PDCL: variants seen among roughly 807,000 people sequenced by gnomAD.
PDCL encodes phosducin like.
In PDCL, 11 loss-of-function variants were observed where a neutral mutation model predicts 26.7. The observed-to-expected ratio is 0.41, with a 90% CI of 0.26 to 0.68. PDCL has a LOEUF of 0.68. PDCL is among the 30% of genes least tolerant of loss of function. The pLI is 0.30. For missense variants in PDCL, 330 were observed against 371.6 expected (o/e 0.89, Z 0.92); for synonymous variants, 118 against 134.9 (o/e 0.87, Z 0.87).
At chr9:122,827,068 C>G (rs1219834415) in intron 1 of PDCL, among the ~76,000 whole-genome samples, 1 of 152,204 alleles carries the variant, frequency 6.6e-6, no homozygotes, top group Non-Finnish European at 1.5e-5. Context: ...CCCAGGGATT[C>G]CTGACTCCAA....
Position 122,826,767 on chromosome 9 carries a change from C to T in PDCL, c.21G>A (p.Lys7=). The T allele has an allele frequency of 6.2e-7, 1 of 1,614,094 alleles. No individual in the cohort carries two copies. Among genetic ancestry groups the T allele is most frequent in the South Asian group, 1.1e-5 (1 of 91,064 alleles). The part of the protein sequence containing the change: MTTLDD[K]LLGEKLQYYY... ...AGTACTGCAGTTTCTCCCCCAGCAA[C>T]TTATCATCAAGGGTGGTCATGGTGT... Residue 7 remains lysine (K), a synonymous_variant, in exon 2 of 4, where the codon AAG becomes AAA. Coordinates refer to ENST00000259467, the MANE Select transcript of PDCL (RefSeq NM_005388.5).
Position 122,820,351 on chromosome 9 carries a change from A to C in PDCL, c.640T>G (p.Phe214Val). The C allele has an allele frequency of 6.2e-7, 1 of 1,614,152 alleles. No individual in the cohort carries two copies. The highest frequency in any genetic ancestry group is 8.5e-7 in the Non-Finnish European group (1 of 1,180,024). ...CLAAEYPAVKFCKVKSSVIGA... is the reference protein window; with the variant it reads ...CLAAEYPAVKVCKVKSSVIGA... Reference sequence around the variant, plus strand: ...ATAACTGAGCTCTTCACCTTGCAGAACTTGACAGCTGGGTACTCTGCGGCA... The same window carrying C: ...ATAACTGAGCTCTTCACCTTGCAGACCTTGACAGCTGGGTACTCTGCGGCA... The change falls in exon 4 of 4, where the codon TTC becomes GTC. Residue 214 changes from phenylalanine (F) to valine (V), a missense_variant. Physicochemically the swap from Phe to Val is conservative, Grantham distance 50. Transcript: ENST00000259467.
rs1829530473 is a variant in PDCL at position 122,819,875 on chromosome 9, T to C, written c.*210A>G. On this transcript the variant is annotated 3_prime_UTR_variant, in exon 4 of 4. Transcript: ENST00000259467. ...ATCTTAAGTAAACAGTTCAAAAGCC[T>C]GGCTTCCTGTTTATACAACTGTAAG... 5 of 457,846 alleles carry C rather than the reference T, an allele frequency of 1.1e-5. No individual in the cohort carries two copies. In the East Asian group the frequency reaches 1.8e-4, roughly 17 times the overall value. 28.4% of individuals were successfully genotyped at this position (457,846 alleles called of 1,614,324 possible).
intron 2 of PDCL, among the ~76,000 whole-genome samples, chr9:122,824,990 C>T (rs1022414879): frequency 3.9e-5 from 6 of 151,986 alleles, no homozygotes; most frequent in African/African-American, 1.5e-4. Context: ...AGTGACATCT[C>T]AAGATAATAA....
chr9:122,823,456 G>C (rs986027302), intron 2 of PDCL, among the ~76,000 whole-genome samples: 1 of 152,112 alleles, frequency 6.6e-6, no homozygotes, highest in African/African-American at 2.4e-5. Context: ...GGAAAATAAA[G>C]CAACTCTTAG....
chr9:122,820,820 CT>C (rs1829544299), intron 3 of PDCL, 184 bp from the exon 4 acceptor site: 4 of 452,542 alleles, frequency 8.8e-6, no homozygotes, highest in Admixed American at 3.4e-5. Flanking sequence ...CTCATCTCTC[CT>C]TAAAAAAAAA....
intron 3 of PDCL, chr9:122,820,928 G>T (rs1829546220): frequency 3.0e-6 from 1 of 328,302 alleles, no homozygotes; most frequent in Admixed American, 4.6e-5. Flanking sequence ...AACCTGGGAG[G>T]CAGAGGTTGC....
intron 2 of PDCL, among the ~76,000 whole-genome samples, chr9:122,826,136 C>T (rs139118229): frequency 6.6e-6 from 1 of 151,950 alleles, no homozygotes; most frequent in Admixed American, 6.6e-5. Flanking sequence ...GTGGTGGGGG[C>T]GGAAATAAAC....
rs1426705581 is a variant in PDCL, at chr9:122,818,545, T to C, written c.*1540A>G. On this transcript the variant is annotated 3_prime_UTR_variant, in exon 4 of 4. Transcript: ENST00000259467. ...TAATAATTTTCAATACATTCCACCC[T>C]TTCTACTACAACGAGCTTTCTTAGT... 1 of 151,922 alleles carries C rather than the reference T, an allele frequency of 6.6e-6. No homozygotes were observed. Among genetic ancestry groups the C allele is most frequent in the Non-Finnish European group, 1.5e-5 (1 of 67,970 alleles). 9.4% of individuals were successfully genotyped at this position (151,922 alleles called of 1,614,324 possible).
Position 122,828,534 on chromosome 9 carries a change from C to CT in PDCL, c.-70dup, listed in dbSNP as rs1829660726. 1 of 152,324 alleles carries CT rather than the reference C, an allele frequency of 6.6e-6. No individual in the cohort carries two copies. Among genetic ancestry groups the CT allele is most frequent in the South Asian group, 2.1e-4 (1 of 4,832 alleles). The allele number at this position is 152,324 out of a possible 1,614,324, so 9.4% of individuals were successfully genotyped here. A position where few individuals can be genotyped will look rare whatever the true frequency, so the allele number is the denominator to read the frequency against. On this transcript the variant is annotated 5_prime_UTR_variant, in exon 1 of 4. Transcript: ENST00000259467. ...TCCGGGCGCCGGAAGGAATGGAGCA[C>CT]TTTCTTAAGAGGAAGAGCAGTGGGT...
chr9:122,822,620 T>C (rs1156705012), intron 3 of PDCL, among the ~76,000 whole-genome samples: 7 of 152,162 alleles, frequency 4.6e-5, no homozygotes, highest in Non-Finnish European at 1.5e-5. Flanking sequence ...ATTGCTTCCA[T>C]TATCTGTAAG....
At chr9:122,824,344 G>A (rs1829595143) in intron 2 of PDCL, among the ~76,000 whole-genome samples, 1 of 152,174 alleles carries the variant, frequency 6.6e-6, no homozygotes, top group South Asian at 2.1e-4. Context: ...TGCCGTGTAT[G>A]AGCCATTCCA....
At chr9:122,821,438 A>G (rs1463817169) in intron 3 of PDCL, among the ~76,000 whole-genome samples, 1 of 152,056 alleles carries the variant, frequency 6.6e-6, no homozygotes, top group Admixed American at 6.6e-5. Context: ...ACAGAGTCAT[A>G]TGGACTCTAA....
rs767065495 is a variant in PDCL at position 122,820,307 on chromosome 9, G to A, written c.684C>T (p.Phe228=). The A allele has an allele frequency of 5.0e-6, 8 of 1,614,038 alleles. No individual in the cohort carries two copies. The highest frequency in any genetic ancestry group is 6.8e-6 in the Non-Finnish European group (8 of 1,180,020). ...KSSVIGASSQ[F]TRNALPALLI... is the part of the protein sequence containing the mutation. Reference sequence around the variant, plus strand: ...GCAGGGCAGGAAGGGCATTCCTGGTGAACTGACTGCTGGCGCCAATAACTG... The same window carrying A: ...GCAGGGCAGGAAGGGCATTCCTGGTAAACTGACTGCTGGCGCCAATAACTG... The change falls in exon 4 of 4, where the codon TTC becomes TTT. Residue 228 remains phenylalanine, a synonymous_variant. Transcript: ENST00000259467.
intron 2 of PDCL, 86 bp downstream of exon 2, chr9:122,826,530 A>G: frequency 8.7e-7 from 1 of 1,147,854 alleles, no homozygotes; most frequent in Non-Finnish European, 1.2e-6. Flanking sequence ...TGATCAGGAG[A>G]ATTAATTTAT....
intron 2 of PDCL, among the ~76,000 whole-genome samples, chr9:122,825,974 G>C (rs1364820356): frequency 6.6e-6 from 1 of 152,154 alleles, no homozygotes; most frequent in Non-Finnish European, 1.5e-5. Context: ...CTTTTTAAGA[G>C]AGGAACCTCA....
intron 3 of PDCL, among the ~76,000 whole-genome samples, chr9:122,822,178 G>A (rs1829561982): frequency 1.3e-5 from 2 of 152,138 alleles, no homozygotes; most frequent in Non-Finnish European, 2.9e-5. Flanking sequence ...ATAACTAAAT[G>A]ATCTCAGGCA....
In PDCL at chr9:122,820,035, C is replaced by T. The variant is rs199839676; in HGVS notation, c.*50G>A. On this transcript the variant is annotated 3_prime_UTR_variant, in exon 4 of 4. Coordinates refer to ENST00000259467, the MANE Select transcript of PDCL (RefSeq NM_005388.5). ...ACAAAGGAACAAAAATAAACAATGA[C>T]GTGTATTCCAACCCAAACAATGAGA... 34 of 1,428,182 alleles carry T rather than the reference C, an allele frequency of 2.4e-5. No individual in the cohort carries two copies. The Admixed American group carries it at 3.7e-4, about 16-fold the overall frequency. 88.5% of individuals were successfully genotyped at this position (1,428,182 alleles called of 1,614,324 possible).
intron 1 of PDCL, among the ~76,000 whole-genome samples, 187 bp downstream of exon 1, chr9:122,828,284 T>C (rs570551351): frequency 2.8e-4 from 42 of 151,698 alleles, no homozygotes; most frequent in Admixed American, 1.4e-3. Context: ...TGTGTGGAGC[T>C]TTTGGGGGAA....
Sources: gnomAD v4.1 joint callset for allele counts (sites outside exome capture counted in the v4.1 genomes callset) on GRCh38, gnomAD v4.1.1 for gene constraint, MANE v1.5 for transcripts, NCBI Gene and HGNC (gene_info 2026-07-23, HGNC 2026-07-21) for gene names.